Variants in ITSN1 observed in about 807,000 individuals in gnomAD.
The protein encoded by ITSN1 is intersectin 1, also known as intersectin-1.
In ITSN1, 58 loss-of-function variants were observed where a neutral mutation model predicts 239.8. That is an observed-to-expected ratio of 0.24 (90% CI 0.20 to 0.30). The LOEUF (loss-of-function observed/expected upper bound fraction) is 0.30, where lower values mean the gene tolerates loss of function less well. ITSN1 is among the 10% of genes least tolerant of loss of function. The probability of loss-of-function intolerance (pLI) is 1.00; values close to 1 mark genes in which losing one functional copy is unlikely to be tolerated. For synonymous variants in ITSN1, 780 were observed against 770.8 expected (o/e 1.01, Z -0.20); for missense variants, 1,558 against 2,103.3 (o/e 0.74, Z 5.07).
At chr21:33,816,702 T>C (rs925623046) in intron 22 of ITSN1, among the ~76,000 whole-genome samples, 2 of 152,006 alleles carry the variant, frequency 1.3e-5, no homozygotes, top group Non-Finnish European at 2.9e-5. Context: ...CGTAGAGAAA[T>C]CAGTGAAGTG....
chr21:33,732,895 A>C (rs2066275294), intron 4 of ITSN1, among the ~76,000 whole-genome samples: 1 of 152,240 alleles, frequency 6.6e-6, no homozygotes, highest in Admixed American at 6.5e-5. Flanking sequence ...TTATATGAAA[A>C]AAGTGATACA....
chr21:33,772,370 C>G, intron 12 of ITSN1, 47 bp downstream of exon 12: 1 of 1,540,728 alleles, frequency 6.5e-7, no homozygotes, highest in Non-Finnish European at 8.8e-7. Flanking sequence ...TGCGATCACC[C>G]CTTTTCAGAA....
intron 1 of ITSN1, among the ~76,000 whole-genome samples, chr21:33,702,275 C>T (rs2092058208): frequency 6.6e-6 from 1 of 151,906 alleles, no homozygotes; most frequent in Non-Finnish European, 1.5e-5. Flanking sequence ...CACCACCACA[C>T]CCAGCTAATT....
At chr21:33,818,123 C>T in intron 22 of ITSN1, 144 bp from the exon 23 acceptor site, 1 of 658,380 alleles carries the variant, frequency 1.5e-6, no homozygotes, top group Admixed American at 2.8e-5. Context: ...GCATCCAGCC[C>T]TCCTGCTGTG....
chr21:33,687,898 A>G (rs1278360057), intron 1 of ITSN1, among the ~76,000 whole-genome samples: 1 of 152,224 alleles, frequency 6.6e-6, no homozygotes, highest in Non-Finnish European at 1.5e-5. Flanking sequence ...CTGAATATAC[A>G]AAGACTGTTT....
In ITSN1 at chr21:33,709,636, A is replaced by T. The variant is rs139903135; in HGVS notation, c.-32-9161A>T. 2.3e-3 allele frequency among the ~76,000 whole-genome samples: 353 copies of T among 152,304 alleles called. 1 individual carries two copies. Among genetic ancestry groups the T allele is most frequent in the African/African-American group, 8.2e-3 (342 of 41,562 alleles). ...TTTACATATTTTGATGCTACTGTAAAACAGTTGTTTTTCTTAATTCCACTT... is the reference window on the plus strand; with the variant it reads ...TTTACATATTTTGATGCTACTGTAATACAGTTGTTTTTCTTAATTCCACTT... On this transcript the variant is annotated intron_variant, in intron 1 of 39. Coordinates refer to ENST00000381318, the MANE Select transcript of ITSN1 (RefSeq NM_003024.3).
intron 1 of ITSN1, among the ~76,000 whole-genome samples, chr21:33,693,409 T>C (rs1601674139): frequency 6.6e-6 from 1 of 151,978 alleles, no homozygotes; most frequent in Admixed American, 6.6e-5. Context: ...CAGGCTGGAG[T>C]GCAATGGTGT....
Position 33,775,032 on chromosome 21 carries a change from G to A in ITSN1, c.1520G>A (p.Arg507Lys). 2 of 1,614,012 alleles carry A rather than the reference G, an allele frequency of 1.2e-6. No individual in the cohort carries two copies. The highest frequency in any genetic ancestry group is 2.2e-5 in the East Asian group (1 of 44,870). Residue 507 changes from arginine (R) to lysine (K), a missense_variant, in exon 14 of 40, where the codon AGG (arginine) becomes AAG (lysine). Arg to Lys is a conservative substitution (Grantham distance 26). Transcript: ENST00000381318. ...QDIRCRLTTQ[R>K]QEIESTNKSR... Reference sequence around the variant, plus strand: ...ATCAGATGTCGATTGACCACCCAAAGGCAAGAAATTGAGAGCACAAACAAA... The same window carrying A: ...ATCAGATGTCGATTGACCACCCAAAAGCAAGAAATTGAGAGCACAAACAAA...
chr21:33,797,397 C>T lies in ITSN1; in HGVS notation c.1971C>T (p.Asp657=), dbSNP rs764592596. The T allele has an allele frequency of 7.1e-5, 115 of 1,613,698 alleles. No individual in the cohort carries two copies. Among genetic ancestry groups the T allele is most frequent in the Non-Finnish European group, 8.6e-5 (101 of 1,179,892 alleles). ...EEAQRRAQER[D]KQWLEHVQQE... Reference sequence around the variant, plus strand: ...TTGGCAGACGAGCTCAGGAAAGGGACAAGCAGTGGCTGGAGCATGTGCAGC... The same window carrying T: ...TTGGCAGACGAGCTCAGGAAAGGGATAAGCAGTGGCTGGAGCATGTGCAGC... The change falls in exon 18 of 40, where the codon GAC becomes GAT. Residue 657 remains aspartate (D), a synonymous_variant. Coordinates refer to ENST00000381318, the MANE Select transcript of ITSN1 (RefSeq NM_003024.3). This position sits in a 1 kb window ranked among gnomAD's most constrained non-coding sequence, Gnocchi z 4.9.
intron 29 of ITSN1, among the ~76,000 whole-genome samples, 165 bp downstream of exon 29, chr21:33,836,797 T>G (rs1026395204): frequency 6.6e-6 from 1 of 152,202 alleles, no homozygotes; most frequent in African/African-American, 2.4e-5. Context: ...AGAGTTTATC[T>G]CATGGGGTTT....
intron 11 of ITSN1, among the ~76,000 whole-genome samples, chr21:33,768,323 C>G (rs1213329868): frequency 4.6e-5 from 7 of 151,908 alleles, no homozygotes; most frequent in Non-Finnish European, 8.8e-5. Context: ...ACTCTGTTAC[C>G]CAGGCAGGAG....
intron 1 of ITSN1, among the ~76,000 whole-genome samples, chr21:33,700,857 G>A (rs2091975258): frequency 1.3e-5 from 2 of 151,978 alleles, no homozygotes; most frequent in South Asian, 4.2e-4. Context: ...TAGTCTCTAG[G>A]TCATTAAGCC....
Position 33,800,813 on chromosome 21 carries a change from AT to A in ITSN1, c.2304+894del, listed in dbSNP as rs888874720. Among the ~76,000 whole-genome samples the A allele has an allele frequency of 7.0e-3, 1,021 of 145,128 alleles. 12 individuals carry two copies. Among genetic ancestry groups the A allele is most frequent in the African/African-American group, 0.024 (967 of 39,554 alleles). ...TTTTTTTTTTTTAAAGATAATTTAGATTTTTTTTTTGTTGTGGTTGACACAA... is the reference window on the plus strand; with the variant it reads ...TTTTTTTTTTTTAAAGATAATTTAGATTTTTTTTTGTTGTGGTTGACACAA... On this transcript the variant is annotated intron_variant, in intron 19 of 39. Transcript: ENST00000381318.
At chr21:33,831,560 A>T (rs1299389955) in intron 27 of ITSN1, among the ~76,000 whole-genome samples, 1 of 152,166 alleles carries the variant, frequency 6.6e-6, no homozygotes, top group African/African-American at 2.4e-5. Context: ...GCCACGGAAG[A>T]CAGACCCTCA....
At position 33,721,163 on chromosome 21, in the gene ITSN1, T is replaced by G. The variant is rs1213657463; in HGVS notation, c.29-15T>G. The G allele has an allele frequency of 1.3e-6, 2 of 1,591,140 alleles. No homozygotes were observed. The highest frequency in any genetic ancestry group is 2.2e-5 in the South Asian group (2 of 90,558). On this transcript the variant is annotated splice_polypyrimidine_tract_variant and intron_variant, in intron 2 of 39. Transcript: ENST00000381318. The stretch of plus-strand genomic sequence containing the variant: ...TCTCACTGAATAATTTGTTTGTCTT[T>G]TCTTTGGATTTTAGGCAGCCTGGAT...
At chr21:33,867,916 G>C (rs1369515167) in intron 33 of ITSN1, among the ~76,000 whole-genome samples, 1 of 151,444 alleles carries the variant, frequency 6.6e-6, no homozygotes, top group Non-Finnish European at 1.5e-5. Context: ...GTTCCTCCCG[G>C]TGGGCTCGTG....
Position 33,888,309 on chromosome 21 carries a change from C to A in ITSN1, c.*9C>A. ...TGTTTGATGAGCCGTAGGCAGCGGG[C>A]TCAGGGTGTGCTCAGCAGGGTCCCA... On this transcript the variant is annotated 3_prime_UTR_variant, in exon 40 of 40. Transcript: ENST00000381318. 1.9e-6 allele frequency: 3 copies of A among 1,609,094 alleles called. No homozygotes were observed. The highest frequency in any genetic ancestry group is 2.5e-6 in the Non-Finnish European group (3 of 1,177,396).
chr21:33,697,996 T>G (rs2091870416), intron 1 of ITSN1, among the ~76,000 whole-genome samples: 1 of 152,204 alleles, frequency 6.6e-6, no homozygotes, highest in Non-Finnish European at 1.5e-5. Context: ...TAATTCCATT[T>G]ATCTCTTGAA....
rs2071639163 is a variant in ITSN1, at chr21:33,797,336, T to C, written c.1953-43T>C. 1 of 1,556,790 alleles carries C rather than the reference T, an allele frequency of 6.4e-7. No individual in the cohort carries two copies. The highest frequency in any genetic ancestry group is 2.2e-5 in the East Asian group (1 of 44,628). ...GAAAAGAGGCAACAGTAGTGTTAACTTAGAGTTGCTTTCTTGCTGTAATCA... is the reference window on the plus strand; with the variant it reads ...GAAAAGAGGCAACAGTAGTGTTAACCTAGAGTTGCTTTCTTGCTGTAATCA... On this transcript the variant is annotated intron_variant, in intron 17 of 39. Transcript: ENST00000381318. The surrounding 1 kb of genome is among the most constrained non-coding windows in gnomAD (Gnocchi z 4.9).
Sources: gnomAD v4.1 joint callset for allele counts (sites outside exome capture counted in the v4.1 genomes callset) on GRCh38, gnomAD v4.1.1 for gene constraint, Gnocchi (gnomAD v3.1) non-coding constraint, MANE v1.5 for transcripts, NCBI Gene and HGNC (gene_info 2026-07-23, HGNC 2026-07-21) for gene names.